The following ESRRB variants were observed in gnomAD, a reference collection of about 807,000 sequenced individuals.
ESRRB encodes steroid hormone receptor ERR2.
Under a neutral mutation model 46.0 loss-of-function variants are expected in ESRRB, and 16 were observed. That is an observed-to-expected ratio of 0.35 (90% CI 0.24 to 0.53). The LOEUF (loss-of-function observed/expected upper bound fraction) is 0.53. Ranked by LOEUF, ESRRB falls within the 20% of genes least tolerant of loss-of-function variation. The pLI is 0.93. For missense variants in ESRRB, 488 were observed against 607.4 expected, an observed-to-expected ratio of 0.80 and a Z score of 2.07; for synonymous variants, 246 against 259.6, an observed-to-expected ratio of 0.95 and a Z score of 0.50.
intron 1 of ESRRB, among the ~76,000 whole-genome samples, chr14:76,325,208 G>A (rs1883915145): frequency 6.6e-6 from 1 of 152,058 alleles, no homozygotes; most frequent in African/African-American, 2.4e-5. Context: ...CGCCCACCTT[G>A]GCCTCCCAAA....
intron 2 of ESRRB, among the ~76,000 whole-genome samples, chr14:76,441,151 C>T (rs988392518): frequency 6.6e-6 from 1 of 152,182 alleles, no homozygotes; most frequent in Non-Finnish European, 1.5e-5. Context: ...CTCCTGGGCT[C>T]AAGCCATCCT....
At chr14:76,484,092 G>A (rs1889912446) in intron 5 of ESRRB, among the ~76,000 whole-genome samples, 1 of 152,212 alleles carries the variant, frequency 6.6e-6, no homozygotes, top group Non-Finnish European at 1.5e-5. Context: ...CTGCCCTCAA[G>A]TGATTTGCGC....
At chr14:76,338,575 T>G (rs867013501) in intron 1 of ESRRB, among the ~76,000 whole-genome samples, 1 of 152,254 alleles carries the variant, frequency 6.6e-6, no homozygotes, top group Admixed American at 6.5e-5. Flanking sequence ...AGGACACATA[T>G]TCTCCCCTCC....
chr14:76,397,458 G>A (rs1380828282), intron 1 of ESRRB, among the ~76,000 whole-genome samples: 1 of 152,248 alleles, frequency 6.6e-6, no homozygotes, highest in African/African-American at 2.4e-5. Flanking sequence ...ACCCCATCCA[G>A]GGTGTCAGTA....
intron 1 of ESRRB, among the ~76,000 whole-genome samples, chr14:76,393,312 C>T (rs1234957857): frequency 6.6e-6 from 1 of 152,086 alleles, no homozygotes. Context: ...CAGTAGACGC[C>T]CCTACTTGCA....
chr14:76,312,999 G>A (rs1595041685), intron 1 of ESRRB, among the ~76,000 whole-genome samples: 1 of 152,144 alleles, frequency 6.6e-6, no homozygotes, highest in Non-Finnish European at 1.5e-5. Flanking sequence ...AGAGAGTCCC[G>A]CATTCCTGAG....
intron 1 of ESRRB, among the ~76,000 whole-genome samples, chr14:76,438,276 C>T (rs943565668): frequency 7.9e-5 from 12 of 152,064 alleles, no homozygotes; most frequent in African/African-American, 1.9e-4. Flanking sequence ...CCTCTGGTTC[C>T]GATCTTAGTG....
At chr14:76,326,675 A>C (rs12884411) in intron 1 of ESRRB, among the ~76,000 whole-genome samples, 69,466 of 151,960 alleles carry the variant, frequency 0.46, 16,256 homozygotes, top group South Asian at 0.55. Flanking sequence ...TGGCTGTAGA[A>C]GTGGGTAGAG....
At chr14:76,332,173 A>G (rs1369470124) in intron 1 of ESRRB, among the ~76,000 whole-genome samples, 1 of 151,876 alleles carries the variant, frequency 6.6e-6, no homozygotes, top group Non-Finnish European at 1.5e-5. Context: ...CCCTCCCTGC[A>G]GAGGTGACAT....
chr14:76,315,642 C>A (rs1414159597), intron 1 of ESRRB, among the ~76,000 whole-genome samples: 1 of 152,182 alleles, frequency 6.6e-6, no homozygotes, highest in African/African-American at 2.4e-5. Flanking sequence ...TTGTTCAGCA[C>A]GGAGCACTCG....
At chr14:76,464,809 A>G (rs1566600927) in intron 3 of ESRRB, among the ~76,000 whole-genome samples, 1 of 152,130 alleles carries the variant, frequency 6.6e-6, no homozygotes, top group African/African-American at 2.4e-5. Flanking sequence ...CTGCTCCTTC[A>G]GAGCCTCCTG....
At chr14:76,436,589 T>C (rs1409146217) in intron 1 of ESRRB, among the ~76,000 whole-genome samples, 1 of 152,112 alleles carries the variant, frequency 6.6e-6, no homozygotes, top group Non-Finnish European at 1.5e-5. Flanking sequence ...TGTGGTCAGC[T>C]CTATTCTGCC....
At chr14:76,444,558 T>C (rs1888054053) in intron 2 of ESRRB, among the ~76,000 whole-genome samples, 1 of 151,246 alleles carries the variant, frequency 6.6e-6, no homozygotes, top group East Asian at 2.0e-4. Context: ...TTTTTTTTGT[T>C]TTGTTTTTGT....
intron 1 of ESRRB, among the ~76,000 whole-genome samples, chr14:76,335,424 C>A (rs575968855): frequency 6.6e-6 from 1 of 152,322 alleles, no homozygotes; most frequent in South Asian, 2.1e-4. Flanking sequence ...ACAGAAGAAG[C>A]TGTAGGGGCC....
intron 1 of ESRRB, among the ~76,000 whole-genome samples, chr14:76,391,414 T>A (rs1398591521): frequency 1.3e-5 from 2 of 152,222 alleles, no homozygotes; most frequent in Non-Finnish European, 2.9e-5. Flanking sequence ...CCTTTTCCGA[T>A]GGCAAGTGCA....
chr14:76,379,708 C>CCCCGGT (rs1469698796), intron 1 of ESRRB, among the ~76,000 whole-genome samples: 1 of 152,050 alleles, frequency 6.6e-6, no homozygotes, highest in African/African-American at 2.4e-5. Flanking sequence ...CGCTGGAGGG[C>CCCCGGT]CCCGGTCCCG....
Position 76,376,475 on chromosome 14 carries a change from G to A in ESRRB, c.50+24G>A. On this transcript the variant is annotated intron_variant, in intron 1 of 6. Coordinates refer to ENST00000644823, the MANE Select transcript of ESRRB (RefSeq NM_001379180.1). The surrounding 1 kb of genome is among the most constrained non-coding windows in gnomAD (Gnocchi z 4.1). Reference sequence around the variant, plus strand: ...CAGTAGGTGCCCTGCTTCTCGGTCTGTCTGTCCTTCTGCCCGTCTGGCAGT... The same window carrying A: ...CAGTAGGTGCCCTGCTTCTCGGTCTATCTGTCCTTCTGCCCGTCTGGCAGT... 4 of 1,230,798 alleles carry A rather than the reference G, an allele frequency of 3.2e-6. No homozygotes were observed. Among genetic ancestry groups the A allele is most frequent in the Non-Finnish European group, 4.1e-6 (4 of 987,146 alleles). 76.2% of individuals were successfully genotyped at this position (1,230,798 alleles called of 1,614,324 possible). A position where few individuals can be genotyped will look rare whatever the true frequency, so the allele number is the denominator to read the frequency against.
At chr14:76,389,780 G>T (rs1374744214) in intron 1 of ESRRB, among the ~76,000 whole-genome samples, 1 of 152,050 alleles carries the variant, frequency 6.6e-6, no homozygotes, top group Middle Eastern at 3.2e-3. Flanking sequence ...AAATTAAATG[G>T]TATAAACTTA....
intron 1 of ESRRB, among the ~76,000 whole-genome samples, chr14:76,392,200 G>A (rs562927356): frequency 6.6e-6 from 1 of 152,314 alleles, no homozygotes; most frequent in South Asian, 2.1e-4. Context: ...GAGACACTGC[G>A]GCCCTGTGTT....
Sources: allele counts gnomAD v4.1 joint callset (sites outside exome capture counted in the v4.1 genomes callset), GRCh38; gene constraint gnomAD v4.1.1; non-coding constraint Gnocchi (gnomAD v3.1); transcripts MANE v1.5; gene names NCBI Gene and HGNC (gene_info 2026-07-23, HGNC 2026-07-21).